Variants in CREB1 observed in about 807,000 individuals in gnomAD.
The protein encoded by CREB1 is cyclic AMP-responsive element-binding protein 1.
Under a neutral mutation model 42.0 loss-of-function variants are expected in CREB1, and 2 were observed. The observed-to-expected ratio is 0.05, with a 90% CI of 0.02 to 0.15. The LOEUF (loss-of-function observed/expected upper bound fraction) is 0.15, where lower values mean the gene tolerates loss of function less well. CREB1 is among the 10% of genes least tolerant of loss of function. The pLI is 1.00. For missense variants in CREB1, 199 were observed against 388.9 expected, an observed-to-expected ratio of 0.51 and a Z score of 4.11; for synonymous variants, 123 against 139.9, an observed-to-expected ratio of 0.88 and a Z score of 0.85.
At position 207,597,449 on chromosome 2, in the gene CREB1, T is replaced by G. The variant is rs143587811; in HGVS notation, c.*391T>G. On this transcript the variant is annotated 3_prime_UTR_variant, in exon 8 of 8. Coordinates refer to ENST00000353267, the MANE Select transcript of CREB1 (RefSeq NM_004379.5). Reference sequence around the variant, plus strand: ...TTAGGGACAGAATTACCCCAGCCTCTTGAGCTGAAGTAATGTGTGGGCCGC... The same window carrying G: ...TTAGGGACAGAATTACCCCAGCCTCGTGAGCTGAAGTAATGTGTGGGCCGC... 512 of 233,474 alleles carry G rather than the reference T, an allele frequency of 2.2e-3. 3 individuals carry two copies. Among genetic ancestry groups the G allele is most frequent in the Middle Eastern group, 4.0e-3 (3 of 744 alleles). 14.5% of individuals were successfully genotyped at this position (233,474 alleles called of 1,614,324 possible).
intron 6 of CREB1, 92 bp from the exon 7 acceptor site, chr2:207,577,413 T>C (rs1269468693): frequency 4.7e-6 from 7 of 1,487,866 alleles, no homozygotes; most frequent in Non-Finnish European, 5.4e-6. Context: ...TCCCTTTTAG[T>C]CCAAAATACA....
intron 1 of CREB1, among the ~76,000 whole-genome samples, chr2:207,549,074 A>G (rs1010765215): frequency 2.0e-5 from 3 of 152,146 alleles, no homozygotes; most frequent in African/African-American, 7.2e-5. Context: ...AAAGATACCA[A>G]TTTATTTTCA....
intron 1 of CREB1, among the ~76,000 whole-genome samples, chr2:207,547,684 CTGCTGCTT>C (rs2081347104): frequency 6.6e-6 from 1 of 151,580 alleles, no homozygotes. Context: ...ATAGTCGTGG[CTGCTGCTT>C]TGCTAAGCAA....
At chr2:207,577,373 T>G in intron 6 of CREB1, 132 bp from the exon 7 acceptor site, 1 of 1,254,068 alleles carries the variant, frequency 8.0e-7, no homozygotes, top group Non-Finnish European at 1.1e-6. Flanking sequence ...CTTTCAACGC[T>G]TTAGCCAGAA....
chr2:207,602,881 G>A lies in CREB1; in HGVS notation c.*5823G>A, dbSNP rs529483784. 2 of 217,658 alleles carry A rather than the reference G, an allele frequency of 9.2e-6. No individual in the cohort carries two copies. Among genetic ancestry groups the A allele is most frequent in the African/African-American group, 4.5e-5 (2 of 44,524 alleles). The allele number at this position is 217,658 out of a possible 1,614,324, so 13.5% of individuals were successfully genotyped here. A position where few individuals can be genotyped will look rare whatever the true frequency, so the allele number is the denominator to read the frequency against. On this transcript the variant is annotated 3_prime_UTR_variant, in exon 8 of 8. Coordinates refer to ENST00000353267, the MANE Select transcript of CREB1 (RefSeq NM_004379.5). ...TGACTGATTTGTCCACATGTCAGTTGTAACTCCCCCACTCCCTGCAAAAGG... is the reference window on the plus strand; with the variant it reads ...TGACTGATTTGTCCACATGTCAGTTATAACTCCCCCACTCCCTGCAAAAGG...
intron 3 of CREB1, 27 bp downstream of exon 3, chr2:207,560,399 A>G (rs372074450): frequency 2.5e-6 from 4 of 1,598,812 alleles, no homozygotes; most frequent in Non-Finnish European, 2.6e-6. Context: ...TTCTGCATCT[A>G]TTTTAATAAC....
chr2:207,582,918 A>ATAT (rs35896795), intron 7 of CREB1: 28,506 of 257,360 alleles, frequency 0.11, 2,071 homozygotes, highest in Non-Finnish European at 0.14. Context: ...AACAAAAAAA[A>ATAT]ATATATATAT....
At chr2:207,577,827 G>A in intron 7 of CREB1, 172 bp downstream of exon 7, 1 of 709,584 alleles carries the variant, frequency 1.4e-6, no homozygotes, top group Non-Finnish European at 2.4e-6. Flanking sequence ...GCACTTATAA[G>A]ATAGCTGTAT....
At chr2:207,558,769 G>T (rs982529520) in intron 2 of CREB1, among the ~76,000 whole-genome samples, 7 of 151,464 alleles carry the variant, frequency 4.6e-5, no homozygotes, top group African/African-American at 1.5e-4. Context: ...AGCCTCCCAA[G>T]TAGCTGGGAT....
At chr2:207,532,536 C>T (rs922423864) in intron 1 of CREB1, among the ~76,000 whole-genome samples, 2 of 150,610 alleles carry the variant, frequency 1.3e-5, no homozygotes, top group Admixed American at 1.3e-4. Context: ...AGCTGGGTGT[C>T]GTGGCGCGTG....
At chr2:207,575,480 G>A (rs776939761) in intron 6 of CREB1, 26 bp downstream of exon 6, 15 of 1,560,778 alleles carry the variant, frequency 9.6e-6, no homozygotes, top group Middle Eastern at 1.7e-4. Flanking sequence ...ATTCACAGGT[G>A]TGGTAAATTC....
intron 3 of CREB1, chr2:207,561,095 C>A: frequency 1.2e-6 from 2 of 1,610,442 alleles, no homozygotes; most frequent in Non-Finnish European, 8.5e-7. Context: ...CCCAGCCTCC[C>A]ATTTCATATT....
chr2:207,572,080 G>T (rs1210871323), intron 5 of CREB1, among the ~76,000 whole-genome samples: 6 of 152,062 alleles, frequency 3.9e-5, no homozygotes, highest in African/African-American at 1.2e-4. Context: ...ACAAAAATTA[G>T]CCGGGCATAG....
intron 3 of CREB1, among the ~76,000 whole-genome samples, chr2:207,563,784 A>C (rs963611093): frequency 2.0e-5 from 3 of 152,090 alleles, no homozygotes; most frequent in Non-Finnish European, 4.4e-5. Context: ...TCTCTACTAA[A>C]AATGCAAAAA....
chr2:207,569,397 G>A (rs758653465), intron 4 of CREB1, among the ~76,000 whole-genome samples: 20 of 152,134 alleles, frequency 1.3e-4, no homozygotes, highest in Middle Eastern at 3.2e-3. Context: ...GTATGAGAGT[G>A]TGGTGTTTTT....
At chr2:207,588,979 C>T (rs1489540068) in intron 7 of CREB1, among the ~76,000 whole-genome samples, 2 of 151,738 alleles carry the variant, frequency 1.3e-5, no homozygotes, top group East Asian at 3.9e-4. Context: ...AATCTGCATG[C>T]CTTTTAATTT....
chr2:207,558,054 G>A lies in CREB1; in HGVS notation c.115-2172G>A, dbSNP rs540158016. The stretch of plus-strand genomic sequence containing the variant: ...GTTGACTTTACAGAGTATCCTGTGT[G>A]ACTCTAATGAAGCTATTCCATGGAC... On this transcript the variant is annotated intron_variant, in intron 2 of 7. Coordinates refer to ENST00000353267, the MANE Select transcript of CREB1 (RefSeq NM_004379.5). 9.2e-5 allele frequency among the ~76,000 whole-genome samples: 14 copies of A among 152,174 alleles called. 1 individual carries two copies. The South Asian group carries it at 2.9e-3, about 31-fold the overall frequency.
intron 7 of CREB1, among the ~76,000 whole-genome samples, chr2:207,579,066 A>G (rs2082724099): frequency 6.6e-6 from 1 of 152,128 alleles, no homozygotes; most frequent in Admixed American, 6.5e-5. Context: ...GATTACAGGT[A>G]TGAGCCATGG....
intron 1 of CREB1, among the ~76,000 whole-genome samples, chr2:207,551,285 CT>C (rs1016666633): frequency 6.6e-6 from 1 of 152,130 alleles, no homozygotes; most frequent in African/African-American, 2.4e-5. Flanking sequence ...ACTGTTTTTA[CT>C]GTGGAAAGGG....
Sources: allele counts gnomAD v4.1 joint callset (sites outside exome capture counted in the v4.1 genomes callset), GRCh38; gene constraint gnomAD v4.1.1; transcripts MANE v1.5; gene names NCBI Gene and HGNC (gene_info 2026-07-23, HGNC 2026-07-21).